IL15: variants seen among roughly 807,000 people sequenced by gnomAD.
The protein encoded by IL15 is interleukin-15.
Under a neutral mutation model 19.6 loss-of-function variants are expected in IL15, and 11 were observed. The ratio of observed to expected loss-of-function variants is 0.56; its 90% CI spans 0.35 to 0.93. IL15 has a LOEUF of 0.93. Ranked by LOEUF, IL15 falls within the 40% of genes least tolerant of loss-of-function variation. IL15 has a pLI of 0.01. For synonymous variants in IL15, 58 were observed against 59.6 expected, an observed-to-expected ratio of 0.97 and a Z score of 0.12; for missense variants, 197 against 186.5, an observed-to-expected ratio of 1.06 and a Z score of -0.33.
At chr4:141,675,136 AT>A (rs1382652246) in intron 2 of IL15, among the ~76,000 whole-genome samples, 1 of 150,990 alleles carries the variant, frequency 6.6e-6, no homozygotes, top group African/African-American at 2.5e-5. Context: ...TCTTTTGGAT[AT>A]TTGAGACAAT....
intron 1 of IL15, among the ~76,000 whole-genome samples, chr4:141,641,804 A>G (rs1020144554): frequency 2.0e-5 from 3 of 151,752 alleles, no homozygotes; most frequent in African/African-American, 4.8e-5. Context: ...ACAAACCTGC[A>G]CGTTGTGCAC....
intron 4 of IL15, chr4:141,721,096 C>G (rs1730058233): frequency 1.3e-6 from 2 of 1,489,780 alleles, no homozygotes; most frequent in Non-Finnish European, 1.8e-6. Flanking sequence ...AAGCACCTAA[C>G]CTATAGTTAT....
chr4:141,655,499 T>A lies in IL15; in HGVS notation c.-221-687T>A, dbSNP rs767727813. On this transcript the variant is annotated intron_variant, in intron 1 of 7. Transcript: ENST00000320650. Reference sequence around the variant, plus strand: ...CAACACAAAGCTTCATGCGGATTCTTGGATCATACTGAAATTTGATTAAGA... The same window carrying A: ...CAACACAAAGCTTCATGCGGATTCTAGGATCATACTGAAATTTGATTAAGA... Among the ~76,000 whole-genome samples, 70 of 152,156 alleles carry A rather than the reference T, an allele frequency of 4.6e-4. 1 individual carries two copies. The highest frequency in any genetic ancestry group is 7.4e-5 in the Non-Finnish European group (5 of 68,026).
intron 2 of IL15, among the ~76,000 whole-genome samples, chr4:141,708,869 C>T (rs935005710): frequency 5.9e-5 from 9 of 152,220 alleles, no homozygotes; most frequent in Admixed American, 5.9e-4. Context: ...TCTAACTTCA[C>T]TTGGACAGGT....
chr4:141,666,073 TTTTATTTATTA>T (rs1560908728), intron 2 of IL15, among the ~76,000 whole-genome samples: 5 of 83,376 alleles, frequency 6.0e-5, no homozygotes, highest in African/African-American at 2.5e-4. Context: ...GACTCATCCT[TTTTATTTATTA>T]TTTATTTATT....
intron 5 of IL15, among the ~76,000 whole-genome samples, chr4:141,723,452 G>A (rs1730158753): frequency 6.6e-6 from 1 of 152,132 alleles, no homozygotes; most frequent in African/African-American, 2.4e-5. Context: ...AGGAAGGCCA[G>A]AGATTGCCAG....
chr4:141,665,809 G>A lies in IL15; in HGVS notation c.-100+9502G>A, dbSNP rs201314629. 5.9e-5 allele frequency among the ~76,000 whole-genome samples: 9 copies of A among 152,158 alleles called. No homozygotes were observed. The East Asian group carries it at 9.6e-4, about 16-fold the overall frequency. On this transcript the variant is annotated intron_variant, in intron 2 of 7. Coordinates refer to ENST00000320650, the MANE Select transcript of IL15 (RefSeq NM_000585.5). ...ACATGGAATGATGAATATAAGAGTTGTTGATATTATGATGTATATATTTTG... is the reference window on the plus strand; with the variant it reads ...ACATGGAATGATGAATATAAGAGTTATTGATATTATGATGTATATATTTTG...
chr4:141,732,959 G>A lies in IL15; in HGVS notation c.*111G>A, dbSNP rs1730501366. On this transcript the variant is annotated 3_prime_UTR_variant, in exon 8 of 8. Transcript: ENST00000320650. ...ATGTGCTGTCAAAACAAGTTTTTCT[G>A]TCAAGAAGATGATCAGACCTTGGAT... 1 of 1,457,452 alleles carries A rather than the reference G, an allele frequency of 6.9e-7. No individual in the cohort carries two copies. The highest frequency in any genetic ancestry group is 1.5e-5 in the South Asian group (1 of 66,596). The allele number at this position is 1,457,452 out of a possible 1,614,324, so 90.3% of individuals were successfully genotyped here.
chr4:141,688,691 C>T (rs1166871790), intron 2 of IL15: 1 of 152,262 alleles, frequency 6.6e-6, no homozygotes, highest in Non-Finnish European at 1.5e-5. Context: ...GTTCTGCCAT[C>T]TCTTGAGCTT....
At chr4:141,721,043 T>C in intron 4 of IL15, 1 of 810,044 alleles carries the variant, frequency 1.2e-6, no homozygotes, top group Non-Finnish European at 1.9e-6. Context: ...CTATTAACTT[T>C]TTTCTTCTCT....
At chr4:141,658,083 G>A (rs780638329) in intron 2 of IL15, among the ~76,000 whole-genome samples, 2 of 152,128 alleles carry the variant, frequency 1.3e-5, no homozygotes, top group African/African-American at 4.8e-5. Context: ...AGGGGGCCTG[G>A]TGGGAGGTAA....
At chr4:141,639,953 CTATATGTGTGCATATATGACTATATGTG>C (rs1280139101) in intron 1 of IL15, among the ~76,000 whole-genome samples, 60 of 152,088 alleles carry the variant, frequency 3.9e-4, no homozygotes, top group African/African-American at 1.4e-3. Flanking sequence ...AACTATATGT[CTATATGTGTGCATATATGACTATATGTG>C]TATATATACT....
At chr4:141,690,530 T>G (rs1321981385) in intron 2 of IL15, among the ~76,000 whole-genome samples, 1 of 152,214 alleles carries the variant, frequency 6.6e-6, no homozygotes, top group Admixed American at 6.5e-5. Context: ...AATTTTCCTA[T>G]GAAGTATTAT....
In IL15 at chr4:141,645,659, A is replaced by G. The variant is rs368713203; in HGVS notation, c.-222+8911A>G. 7.2e-5 allele frequency among the ~76,000 whole-genome samples: 11 copies of G among 152,242 alleles called. No individual in the cohort carries two copies. In the South Asian group the frequency reaches 1.2e-3, roughly 17 times the overall value. On this transcript the variant is annotated intron_variant, in intron 1 of 7. Transcript: ENST00000320650. ...ACCCCAACACTTAGTGGTATAAAAT[A>G]AGAACCATTTTATTTTCTCAAGCCT...
intron 5 of IL15, among the ~76,000 whole-genome samples, chr4:141,722,209 G>A (rs528954111): frequency 5.3e-5 from 8 of 152,118 alleles, no homozygotes; most frequent in South Asian, 4.1e-4. Context: ...ATTTATAAGC[G>A]GCCCAGACGG....
chr4:141,694,320 G>C (rs1173870487), intron 2 of IL15, among the ~76,000 whole-genome samples: 1 of 152,166 alleles, frequency 6.6e-6, no homozygotes, highest in Admixed American at 6.5e-5. Context: ...TAAAATAGCT[G>C]GGCATTATTA....
chr4:141,692,144 C>A (rs925446209), intron 2 of IL15, among the ~76,000 whole-genome samples: 1 of 152,270 alleles, frequency 6.6e-6, no homozygotes, highest in Non-Finnish European at 1.5e-5. Context: ...ACGGCCCAAG[C>A]TGTGCCTTGG....
chr4:141,637,146 G>C (rs1444939467), intron 1 of IL15: 1 of 152,244 alleles, frequency 6.6e-6, no homozygotes, highest in Non-Finnish European at 1.5e-5. Context: ...GCCAAGCTGC[G>C]GGTTTCTGAG....
At chr4:141,696,650 T>G (rs2152179805) in intron 2 of IL15, among the ~76,000 whole-genome samples, 1 of 152,150 alleles carries the variant, frequency 6.6e-6, no homozygotes, top group South Asian at 2.1e-4. Flanking sequence ...TACTTTCTAT[T>G]TTTATTTCAA....
Sources: gnomAD v4.1 joint callset for allele counts (sites outside exome capture counted in the v4.1 genomes callset) on GRCh38, gnomAD v4.1.1 for gene constraint, MANE v1.5 for transcripts, NCBI Gene and HGNC (gene_info 2026-07-23, HGNC 2026-07-21) for gene names.